The following DOCK4 variants were observed in gnomAD, a reference collection of about 807,000 sequenced individuals.
DOCK4 encodes dedicator of cytokinesis protein 4.
Under a neutral mutation model 268.1 loss-of-function variants are expected in DOCK4, and 97 were observed. The ratio of observed to expected loss-of-function variants is 0.36; its 90% confidence interval spans 0.31 to 0.43. The LOEUF (loss-of-function observed/expected upper bound fraction) is 0.43, where lower values mean the gene tolerates loss of function less well. DOCK4 is among the 20% of genes least tolerant of loss of function. The pLI, the probability that DOCK4 is intolerant of heterozygous loss-of-function variation, is 1.00. For synonymous variants in DOCK4, 954 were observed against 887.2 expected (o/e 1.08, Z -1.34); for missense variants, 2,145 against 2,455.7 (o/e 0.87, Z 2.67).
At chr7:112,114,198 C>T (rs1811923166) in intron 1 of DOCK4, among the ~76,000 whole-genome samples, 1 of 152,106 alleles carries the variant, frequency 6.6e-6, no homozygotes, top group South Asian at 2.1e-4. Context: ...CCTGGTCAAG[C>T]CTTCATGACA....
chr7:112,073,018 C>G (rs1392139911), intron 1 of DOCK4, among the ~76,000 whole-genome samples: 2 of 152,154 alleles, frequency 1.3e-5, no homozygotes, highest in East Asian at 3.9e-4. Flanking sequence ...ACAACACCCC[C>G]AGAAGCATGG....
At chr7:111,914,672 T>C (rs1308410713) in intron 13 of DOCK4, among the ~76,000 whole-genome samples, 2 of 152,290 alleles carry the variant, frequency 1.3e-5, no homozygotes, top group East Asian at 3.9e-4. Context: ...CCTAAATTTC[T>C]TACCTACCAC....
At chr7:111,949,145 T>C (rs994351694) in intron 8 of DOCK4, among the ~76,000 whole-genome samples, 3 of 152,188 alleles carry the variant, frequency 2.0e-5, no homozygotes, top group Non-Finnish European at 4.4e-5. Flanking sequence ...GACAGCATGT[T>C]CTACTTTATA....
intron 36 of DOCK4, among the ~76,000 whole-genome samples, chr7:111,773,975 C>T (rs1798286675): frequency 6.6e-6 from 1 of 151,760 alleles, no homozygotes; most frequent in African/African-American, 2.4e-5. Context: ...CCAGATCGTG[C>T]CACTACATTC....
At chr7:111,935,186 G>C (rs1451451091) in intron 12 of DOCK4, among the ~76,000 whole-genome samples, 1 of 151,936 alleles carries the variant, frequency 6.6e-6, no homozygotes, top group Middle Eastern at 3.2e-3. Context: ...GACTTCAGGT[G>C]ATCCACTAAT....
At chr7:111,976,309 ATATATAT>A (rs1798204950) in intron 8 of DOCK4, among the ~76,000 whole-genome samples, 1 of 97,020 alleles carries the variant, frequency 1.0e-5, no homozygotes, top group Non-Finnish European at 1.9e-5. Flanking sequence ...ATATATATAT[ATATATAT>A]ATGAGACTCG....
intron 1 of DOCK4, among the ~76,000 whole-genome samples, chr7:112,118,293 A>G (rs904431029): frequency 3.3e-5 from 5 of 152,134 alleles, no homozygotes; most frequent in African/African-American, 1.2e-4. Context: ...TCCTTCTTGT[A>G]TTTTAGAGAA....
intron 1 of DOCK4, among the ~76,000 whole-genome samples, chr7:112,120,235 C>G (rs138987528): frequency 2.6e-3 from 389 of 152,280 alleles, no homozygotes; most frequent in African/African-American, 8.9e-3. Flanking sequence ...AAACAAATAA[C>G]AGCTAAAACT....
At position 111,977,988 on chromosome 7, in the gene DOCK4, T is replaced by C. The variant is rs1586556914; in HGVS notation, c.550-705A>G. On this transcript the variant is annotated intron_variant, in intron 7 of 52. Coordinates refer to ENST00000428084, the MANE Select transcript of DOCK4 (RefSeq NM_001363540.2). ...AGACAAGATGTGAGTTCCCACAGGT[T>C]GAGGGAGAAAAAGAATCATTCACGA... Among the ~76,000 whole-genome samples the C allele has an allele frequency of 2.6e-5, 4 of 152,062 alleles. No homozygotes were observed. In the East Asian group the frequency reaches 5.8e-4, roughly 22 times the overall value.
chr7:111,979,860 T>G lies in DOCK4; in HGVS notation c.550-2577A>C, dbSNP rs750484521. Among the ~76,000 whole-genome samples, 7 of 152,282 alleles carry G rather than the reference T, an allele frequency of 4.6e-5. 1 individual carries two copies. The South Asian group carries it at 8.3e-4, about 18-fold the overall frequency. On this transcript the variant is annotated intron_variant, in intron 7 of 52. Transcript: ENST00000428084. ...GAATCCAATATATCTAGATCAGTGG[T>G]TCTCAACCTTGGCTGCAGTTTAGAG...
In DOCK4 at chr7:111,977,146, C is replaced by G; in HGVS notation, c.687G>C (p.Glu229Asp). Residue 229 changes from glutamate to aspartate, a missense_variant, in exon 8 of 53, where the codon GAG becomes GAC. Around this residue, in one of 2 missense-constraint regions of DOCK4, gnomAD observed 1,598 missense variants for 1,986.7 expected, o/e 0.80. Transcript: ENST00000428084. ...EVIFSLFDSKENRPISERFFL... is the reference protein window; with the variant it reads ...EVIFSLFDSKDNRPISERFFL... ...CGTGCAGGTACCTGATTGGCCGGTT[C>G]TCTTTACTGTCAAAGAGTGAGAAGA... is the stretch of plus-strand genomic sequence containing the variant. 1 of 1,613,254 alleles carries G rather than the reference C, an allele frequency of 6.2e-7. No homozygotes were observed. Among genetic ancestry groups the G allele is most frequent in the Non-Finnish European group, 8.5e-7 (1 of 1,179,634 alleles).
In DOCK4 at chr7:111,911,425, A is replaced by C. The variant is rs111295393; in HGVS notation, c.1192+4354T>G. Among the ~76,000 whole-genome samples, 1,392 of 152,230 alleles carry C rather than the reference A, an allele frequency of 9.1e-3. 23 individuals are homozygous for C. Among genetic ancestry groups the C allele is most frequent in the African/African-American group, 0.031 (1,295 of 41,530 alleles). ...TGCTTTCAGTTGTTTAAGGAAATAC[A>C]CACATCTCTCCCTTTTCTATTATGG... On this transcript the variant is annotated intron_variant, in intron 13 of 52. Transcript: ENST00000428084.
In DOCK4 at chr7:111,760,219, T is replaced by C. The variant is rs374962931; in HGVS notation, c.4124A>G (p.Asn1375Ser). 7.4e-6 allele frequency: 12 copies of C among 1,613,886 alleles called. No individual in the cohort carries two copies. In the African/African-American group the frequency reaches 1.2e-4, roughly 16 times the overall value. ...FPHAIAMQHA[N>S]QPDETIFQAE... Reference sequence around the variant, plus strand: ...CTGGAAGATGGTCTCATCGGGCTGGTTGGCGTGCTGCATGGCGATGGCATG... The same window carrying C: ...CTGGAAGATGGTCTCATCGGGCTGGCTGGCGTGCTGCATGGCGATGGCATG... Residue 1375 changes from asparagine to serine, a missense_variant, in exon 40 of 53, where the codon AAC (asparagine) becomes AGC (serine). This residue lies in a region of DOCK4 where 1,598 missense variants were observed against 1,986.7 expected (regional missense o/e 0.80). Coordinates refer to ENST00000428084, the MANE Select transcript of DOCK4 (RefSeq NM_001363540.2).
intron 8 of DOCK4, among the ~76,000 whole-genome samples, chr7:111,957,931 CTT>C (rs201395231): frequency 6.6e-6 from 1 of 152,064 alleles, no homozygotes; most frequent in Non-Finnish European, 1.5e-5. Context: ...TTTTTATGTA[CTT>C]TTTTTAGCAT....
intron 1 of DOCK4, among the ~76,000 whole-genome samples, chr7:112,139,298 A>G (rs1052730487): frequency 6.6e-6 from 1 of 152,180 alleles, no homozygotes; most frequent in Non-Finnish European, 1.5e-5. Context: ...AAATACCCCC[A>G]AAAAGGGCTG....
chr7:112,204,886 C>CAG lies in DOCK4; in HGVS notation c.37+1215_37+1216insCT, dbSNP rs756090227. ...TAGACCTGTCCTCAATTTTAAAACA[C>CAG]ACACACACACACACACACACACAAA... On this transcript the variant is annotated intron_variant, in intron 1 of 52. Coordinates refer to ENST00000428084, the MANE Select transcript of DOCK4 (RefSeq NM_001363540.2). Among the ~76,000 whole-genome samples, 848 of 150,530 alleles carry CAG rather than the reference C, an allele frequency of 5.6e-3. 14 individuals are homozygous for CAG. Among genetic ancestry groups the CAG allele is most frequent in the East Asian group, 0.038 (197 of 5,144 alleles).
chr7:112,061,739 TCACACACACACACACACACACACA>T (rs61696712), intron 1 of DOCK4, among the ~76,000 whole-genome samples: 1 of 137,140 alleles, frequency 7.3e-6, no homozygotes, highest in Non-Finnish European at 1.6e-5. Flanking sequence ...ATTAACAATG[TCACACACACACACACACACACACA>T]CACACACACA....
intron 1 of DOCK4, among the ~76,000 whole-genome samples, chr7:112,200,033 A>G (rs771836390): frequency 5.9e-5 from 9 of 152,230 alleles, no homozygotes; most frequent in Non-Finnish European, 1.2e-4. Flanking sequence ...TGACTATCAA[A>G]GACAATAACC....
At chr7:111,808,717 T>C in intron 30 of DOCK4, 104 bp downstream of exon 30, 1 of 1,122,662 alleles carries the variant, frequency 8.9e-7, no homozygotes, top group Non-Finnish European at 1.3e-6. Flanking sequence ...TTTAGACATT[T>C]GGTTTCACAT....
Sources: gnomAD v4.1 joint callset for allele counts (sites outside exome capture counted in the v4.1 genomes callset) on GRCh38, gnomAD v4.1.1 for gene constraint, gnomAD v4.1.1 regional missense constraint, MANE v1.5 for transcripts, NCBI Gene and HGNC (gene_info 2026-07-23, HGNC 2026-07-21) for gene names.